Variants in CNOT6 observed in about 807,000 individuals in gnomAD.
The protein encoded by CNOT6 is carbon catabolite repression 4 protein.
In CNOT6, 12 loss-of-function variants were observed where a neutral mutation model predicts 61.2. The observed-to-expected ratio is 0.20, with a 90% CI of 0.13 to 0.32. The LOEUF is 0.32. CNOT6 is among the 10% of genes least tolerant of loss of function. The pLI is 1.00. For missense variants in CNOT6, 405 were observed against 663.9 expected (o/e 0.61, Z 4.28); for synonymous variants, 225 against 240.6 (o/e 0.94, Z 0.60).
chr5:180,524,541 A>G (rs1185229319), intron 1 of CNOT6, among the ~76,000 whole-genome samples: 6 of 152,118 alleles, frequency 3.9e-5, no homozygotes, highest in Non-Finnish European at 8.8e-5. Flanking sequence ...AATGATGAGT[A>G]CTTTAAATTT....
intron 1 of CNOT6, chr5:180,495,663 C>T (rs2127684220): frequency 6.6e-6 from 1 of 152,310 alleles, no homozygotes; most frequent in East Asian, 1.9e-4. Context: ...TGGATTGTCT[C>T]ATTGTTAGTG....
intron 1 of CNOT6, among the ~76,000 whole-genome samples, chr5:180,509,158 G>T (rs1381240847): frequency 5.3e-5 from 8 of 151,808 alleles, no homozygotes; most frequent in Admixed American, 5.3e-4. Context: ...TTGAGACAAG[G>T]TCTGGTTCTG....
At chr5:180,540,232 A>C (rs1758964422) in intron 2 of CNOT6, among the ~76,000 whole-genome samples, 1 of 152,156 alleles carries the variant, frequency 6.6e-6, no homozygotes, top group Non-Finnish European at 1.5e-5. Flanking sequence ...TTGGGACTAT[A>C]TCCCCCTTGG....
At chr5:180,538,480 G>GT (rs1455748669) in intron 2 of CNOT6, among the ~76,000 whole-genome samples, 3 of 150,316 alleles carry the variant, frequency 2.0e-5, no homozygotes, top group Non-Finnish European at 4.4e-5. Flanking sequence ...GAGCTCAGGA[G>GT]TTTGAGACCA....
chr5:180,522,355 C>T (rs1757916891), intron 1 of CNOT6, among the ~76,000 whole-genome samples: 1 of 152,018 alleles, frequency 6.6e-6, no homozygotes, highest in Admixed American at 6.6e-5. Context: ...CTCAGGTGAT[C>T]CGCCCTCGTA....
At chr5:180,567,015 A>T (rs1435085689) in intron 7 of CNOT6, 73 bp from the exon 8 acceptor site, 10 of 1,354,268 alleles carry the variant, frequency 7.4e-6, no homozygotes, top group Middle Eastern at 1.9e-4. Flanking sequence ...CAAGCTCTCA[A>T]ACTATACATA....
intron 1 of CNOT6, 78 bp from the exon 2 acceptor site, chr5:180,529,197 C>CA (rs71591495): frequency 0.067 from 38,625 of 573,702 alleles, 354 homozygotes; most frequent in African/African-American, 0.15. Context: ...GACTTCGTCT[C>CA]AAAAAAAAAA....
At chr5:180,539,730 C>G (rs1035418580) in intron 2 of CNOT6, among the ~76,000 whole-genome samples, 2 of 151,404 alleles carry the variant, frequency 1.3e-5, no homozygotes, top group African/African-American at 4.9e-5. Context: ...GCTGGGACTA[C>G]AGGCACCCGC....
intron 2 of CNOT6, among the ~76,000 whole-genome samples, chr5:180,549,372 G>C (rs556005116): frequency 1.3e-5 from 2 of 152,042 alleles, no homozygotes; most frequent in East Asian, 1.9e-4. Flanking sequence ...AAATTTGGCC[G>C]GGCACAGTGG....
In CNOT6 at chr5:180,518,042, C is replaced by T. The variant is rs188349787; in HGVS notation, c.-2-11233C>T. 2.0e-4 allele frequency among the ~76,000 whole-genome samples: 31 copies of T among 152,268 alleles called. No individual in the cohort carries two copies. In the East Asian group the frequency reaches 4.8e-3, roughly 24 times the overall value. On this transcript the variant is annotated intron_variant, in intron 1 of 11. Coordinates refer to ENST00000261951, the MANE Select transcript of CNOT6 (RefSeq NM_001370472.1). Reference sequence around the variant, plus strand: ...CTCGTCTTGATTACTATAGTAGTTTCGTCTTTTACATCATTGCCAGCTCTT... The same window carrying T: ...CTCGTCTTGATTACTATAGTAGTTTTGTCTTTTACATCATTGCCAGCTCTT...
chr5:180,536,289 G>A (rs904696016), intron 2 of CNOT6, among the ~76,000 whole-genome samples: 3 of 151,918 alleles, frequency 2.0e-5, no homozygotes, highest in Admixed American at 1.3e-4. Context: ...GTGAGCCACC[G>A]TGCCTGGCCT....
intron 9 of CNOT6, 74 bp downstream of exon 9, chr5:180,568,077 T>C: frequency 6.9e-7 from 1 of 1,456,508 alleles, no homozygotes; most frequent in Non-Finnish European, 9.2e-7. Context: ...AAACAGAAAT[T>C]TCATTGTGTA....
chr5:180,517,635 C>G lies in CNOT6; in HGVS notation c.-2-11640C>G, dbSNP rs1438514734. 5.9e-5 allele frequency among the ~76,000 whole-genome samples: 9 copies of G among 151,978 alleles called. No homozygotes were observed. In the South Asian group the frequency reaches 1.9e-3, roughly 32 times the overall value. On this transcript the variant is annotated intron_variant, in intron 1 of 11. Transcript: ENST00000261951. ...CTTGGCTCACTGCAACCTCTGCCTC[C>G]CGGGTTCAAGCGATTCCCCTGCCTC...
At chr5:180,499,702 G>T (rs191307116) in intron 1 of CNOT6, among the ~76,000 whole-genome samples, 9 of 152,190 alleles carry the variant, frequency 5.9e-5, no homozygotes, top group Admixed American at 5.2e-4. Flanking sequence ...AGTTTTACAC[G>T]TTGAATGGTT....
chr5:180,574,540 A>G lies in CNOT6; in HGVS notation c.*340A>G. On this transcript the variant is annotated 3_prime_UTR_variant, in exon 12 of 12. Transcript: ENST00000261951. The stretch of plus-strand genomic sequence containing the variant: ...GTATTCTCTTCACACAGAAATCTGT[A>G]GCACTGCTTTTTTGAGGCCAGTAGC... The G allele has an allele frequency of 3.3e-6, 1 of 302,258 alleles. No individual in the cohort carries two copies. The allele number at this position is 302,258 out of a possible 1,614,324, so 18.7% of individuals were successfully genotyped here.
chr5:180,512,599 C>T (rs1389806224), intron 1 of CNOT6, among the ~76,000 whole-genome samples: 2 of 152,100 alleles, frequency 1.3e-5, no homozygotes, highest in Admixed American at 1.3e-4. Flanking sequence ...TATTTTTATT[C>T]TTATTTATTT....
At chr5:180,499,129 C>G (rs1198878639) in intron 1 of CNOT6, among the ~76,000 whole-genome samples, 1 of 152,170 alleles carries the variant, frequency 6.6e-6, no homozygotes, top group African/African-American at 2.4e-5. Context: ...TCTTCTGAGT[C>G]TGTGGTCCCT....
At chr5:180,537,259 C>T (rs1758745615) in intron 2 of CNOT6, among the ~76,000 whole-genome samples, 2 of 152,168 alleles carry the variant, frequency 1.3e-5, no homozygotes, top group Non-Finnish European at 2.9e-5. Flanking sequence ...TATCATTTTG[C>T]CCTCCTACCA....
chr5:180,502,706 T>C (rs1018217953), intron 1 of CNOT6, among the ~76,000 whole-genome samples: 8 of 152,198 alleles, frequency 5.3e-5, no homozygotes, highest in Non-Finnish European at 1.5e-5. Flanking sequence ...GTATATAGTT[T>C]TACTAGGCAG....
Sources: allele counts gnomAD v4.1 joint callset (sites outside exome capture counted in the v4.1 genomes callset), GRCh38; gene constraint gnomAD v4.1.1; transcripts MANE v1.5; gene names NCBI Gene and HGNC (gene_info 2026-07-23, HGNC 2026-07-21).